The following ANGPT1 variants were observed in gnomAD, a reference collection of about 807,000 sequenced individuals.
ANGPT1 encodes the protein angiopoietin-1.
ANGPT1 carries 17 observed loss-of-function variants against 62.2 expected under a neutral mutation model. The observed-to-expected ratio is 0.27, with a 90% CI of 0.19 to 0.41. The LOEUF (loss-of-function observed/expected upper bound fraction) is 0.41, where lower values mean the gene tolerates loss of function less well. Ranked by LOEUF, ANGPT1 falls within the 10% of genes least tolerant of loss-of-function variation. The probability of loss-of-function intolerance (pLI) is 1.00; values close to 1 mark genes in which losing one functional copy is unlikely to be tolerated. For missense variants in ANGPT1, 478 were observed against 594.9 expected, an observed-to-expected ratio of 0.80 and a Z score of 2.04; for synonymous variants, 199 against 198.9, an observed-to-expected ratio of 1.00 and a Z score of 0.00.
chr8:107,467,531 A>T, intron 1 of ANGPT1, among the ~76,000 whole-genome samples: 1 of 152,054 alleles, frequency 6.6e-6, no homozygotes, highest in East Asian at 1.9e-4. Context: ...CTTAATTGGG[A>T]TTTTATGATC....
chr8:107,275,363 C>T (rs538834279), intron 7 of ANGPT1, among the ~76,000 whole-genome samples: 7 of 152,202 alleles, frequency 4.6e-5, no homozygotes, highest in Admixed American at 2.0e-4. Context: ...AGTTTCCTAG[C>T]AAGACGTGCT....
intron 2 of ANGPT1, among the ~76,000 whole-genome samples, chr8:107,339,327 A>T (rs929411881): frequency 6.6e-6 from 1 of 152,178 alleles, no homozygotes; most frequent in Non-Finnish European, 1.5e-5. Flanking sequence ...TGGTCTGAAA[A>T]GACCCACGTG....
chr8:107,306,797 T>C lies in ANGPT1; in HGVS notation c.809-3430A>G, dbSNP rs1171704648. ...GCAGTGGCTCACCCTGTAATACCAG[T>C]GTTTTGGGAGGTAGAGGCAGGAGGA... On this transcript the variant is annotated intron_variant, in intron 4 of 8. Coordinates refer to ENST00000517746, the MANE Select transcript of ANGPT1 (RefSeq NM_001146.5). 2.6e-5 allele frequency among the ~76,000 whole-genome samples: 4 copies of C among 151,608 alleles called. No individual in the cohort carries two copies. The South Asian group carries it at 8.3e-4, about 32-fold the overall frequency.
At chr8:107,364,959 T>C (rs1013592023) in intron 1 of ANGPT1, among the ~76,000 whole-genome samples, 2 of 129,256 alleles carry the variant, frequency 1.5e-5, no homozygotes, top group Non-Finnish European at 3.5e-5. Context: ...TGGAGGAAGA[T>C]TGCAGAAGGG....
At chr8:107,354,451 G>A (rs1452435187) in intron 1 of ANGPT1, among the ~76,000 whole-genome samples, 1 of 151,896 alleles carries the variant, frequency 6.6e-6, no homozygotes, top group Non-Finnish European at 1.5e-5. Flanking sequence ...TGAAATAAAG[G>A]GCTGGATTCG....
chr8:107,252,045 A>G lies in ANGPT1; in HGVS notation c.1337-30T>C, dbSNP rs10088493. 12,758 of 1,589,926 alleles carry G rather than the reference A, an allele frequency of 8.0e-3. 645 individuals carry two copies. The African/African-American group carries it at 0.13, about 16-fold the overall frequency. On this transcript the variant is annotated intron_variant, in intron 8 of 8. Transcript: ENST00000517746. Reference sequence around the variant, plus strand: ...AAAAATAATTCATAATAGAAGAGAGAAGGAGAGGCAACAATTTTAAGTAAA... The same window carrying G: ...AAAAATAATTCATAATAGAAGAGAGGAGGAGAGGCAACAATTTTAAGTAAA...
At chr8:107,290,532 G>A (rs1424215421) in intron 6 of ANGPT1, among the ~76,000 whole-genome samples, 1 of 152,100 alleles carries the variant, frequency 6.6e-6, no homozygotes, top group Non-Finnish European at 1.5e-5. Context: ...GTGGAGTCAT[G>A]TTATTTTGTC....
chr8:107,352,895 A>T (rs1815962889), intron 1 of ANGPT1, among the ~76,000 whole-genome samples: 1 of 152,172 alleles, frequency 6.6e-6, no homozygotes, highest in African/African-American at 2.4e-5. Flanking sequence ...TGATGGTTTT[A>T]TCTAATCTCA....
intron 1 of ANGPT1, among the ~76,000 whole-genome samples, chr8:107,459,397 G>A (rs984350092): frequency 2.0e-5 from 3 of 151,904 alleles, no homozygotes; most frequent in African/African-American, 7.3e-5. Flanking sequence ...TAAGTCAGCC[G>A]GAAATCCCTT....
intron 1 of ANGPT1, among the ~76,000 whole-genome samples, chr8:107,495,362 T>C (rs1813065555): frequency 6.6e-6 from 1 of 152,182 alleles, no homozygotes; most frequent in Non-Finnish European, 1.5e-5. Flanking sequence ...CTGAAAGCTA[T>C]CCCATAATCA....
At chr8:107,267,031 CT>C (rs899768413) in intron 7 of ANGPT1, among the ~76,000 whole-genome samples, 2 of 151,812 alleles carry the variant, frequency 1.3e-5, no homozygotes, top group African/African-American at 4.8e-5. Context: ...TGTTTCTCCC[CT>C]CTAAATATAA....
At position 107,461,223 on chromosome 8, in the gene ANGPT1, A is replaced by ACTT. The variant is rs561959453; in HGVS notation, c.297+36036_297+36038dup. Among the ~76,000 whole-genome samples, 834 of 152,154 alleles carry ACTT rather than the reference A, an allele frequency of 5.5e-3. 6 individuals are homozygous for ACTT. Among genetic ancestry groups the ACTT allele is most frequent in the African/African-American group, 0.019 (786 of 41,546 alleles). On this transcript the variant is annotated intron_variant, in intron 1 of 8. Coordinates refer to ENST00000517746, the MANE Select transcript of ANGPT1 (RefSeq NM_001146.5). ...CCCTTGGGATTTCATGGTTTTCTCTACTTAGGAGCATTTCACTTTTGAAAT... is the reference window on the plus strand; with the variant it reads ...CCCTTGGGATTTCATGGTTTTCTCTACTTCTTAGGAGCATTTCACTTTTGAAAT...
intron 7 of ANGPT1, among the ~76,000 whole-genome samples, chr8:107,273,607 G>T (rs1161630550): frequency 4.6e-5 from 7 of 151,584 alleles, no homozygotes; most frequent in Non-Finnish European, 7.4e-5. Flanking sequence ...TGTCCACATT[G>T]CTCCTCTGGC....
intron 7 of ANGPT1, among the ~76,000 whole-genome samples, chr8:107,266,416 T>A (rs1813615597): frequency 6.6e-6 from 1 of 152,220 alleles, no homozygotes; most frequent in Admixed American, 6.5e-5. Flanking sequence ...GGACCCAGTC[T>A]CATGGTCTTC....
intron 1 of ANGPT1, among the ~76,000 whole-genome samples, chr8:107,428,517 T>C (rs1811093438): frequency 6.6e-6 from 1 of 152,222 alleles, no homozygotes; most frequent in Non-Finnish European, 1.5e-5. Context: ...CCTAAGGGTC[T>C]GTCTTCAGCT....
intron 1 of ANGPT1, among the ~76,000 whole-genome samples, chr8:107,474,746 C>T (rs907558241): frequency 2.0e-5 from 3 of 152,146 alleles, no homozygotes; most frequent in African/African-American, 7.2e-5. Flanking sequence ...TCTGAGGATA[C>T]AAAATCAATG....
Position 107,497,686 on chromosome 8 carries a change from T to A in ANGPT1, c.-128A>T. Reference sequence around the variant, plus strand: ...GACTCTTTCCCCCTCAAAGAAAGCGTTTGAAGAAGAATCATAGAAAACTAG... The same window carrying A: ...GACTCTTTCCCCCTCAAAGAAAGCGATTGAAGAAGAATCATAGAAAACTAG... On this transcript the variant is annotated 5_prime_UTR_variant, in exon 1 of 9. Transcript: ENST00000517746. The A allele has an allele frequency of 9.4e-7, 1 of 1,064,710 alleles. No homozygotes were observed. The highest frequency in any genetic ancestry group is 1.3e-6 in the Non-Finnish European group (1 of 765,222). 66.0% of individuals were successfully genotyped at this position (1,064,710 alleles called of 1,614,324 possible). A position where few individuals can be genotyped will look rare whatever the true frequency, so the allele number is the denominator to read the frequency against.
At chr8:107,406,619 A>G (rs1038109313) in intron 1 of ANGPT1, among the ~76,000 whole-genome samples, 1 of 152,044 alleles carries the variant, frequency 6.6e-6, no homozygotes, top group Admixed American at 6.6e-5. Context: ...TTCGAGTCTC[A>G]TATTATGTTG....
intron 1 of ANGPT1, among the ~76,000 whole-genome samples, chr8:107,398,330 T>G (rs1437259949): frequency 6.6e-6 from 1 of 152,170 alleles, no homozygotes; most frequent in Non-Finnish European, 1.5e-5. Flanking sequence ...GCAAGTCAAT[T>G]TGAAAAATGC....
Sources: gnomAD v4.1 joint callset for allele counts (sites outside exome capture counted in the v4.1 genomes callset) on GRCh38, gnomAD v4.1.1 for gene constraint, MANE v1.5 for transcripts, NCBI Gene and HGNC (gene_info 2026-07-23, HGNC 2026-07-21) for gene names.